The following NXPH1 variants were observed in gnomAD, a reference collection of about 807,000 sequenced individuals.
NXPH1 encodes neurexophilin-1.
NXPH1 carries 5 observed loss-of-function variants against 23.7 expected under a neutral mutation model. The ratio of observed to expected loss-of-function variants is 0.21; its 90% CI spans 0.11 to 0.44. NXPH1 has a LOEUF of 0.44. Ranked by LOEUF, NXPH1 falls within the 20% of genes least tolerant of loss-of-function variation. NXPH1 has a pLI of 0.99. For missense variants in NXPH1, 324 were observed against 321.6 expected, an observed-to-expected ratio of 1.01 and a Z score of -0.06; for synonymous variants, 144 against 122.2, an observed-to-expected ratio of 1.18 and a Z score of -1.18.
At chr7:8,742,628 A>G (rs1256282296) in intron 2 of NXPH1, among the ~76,000 whole-genome samples, 1 of 152,104 alleles carries the variant, frequency 6.6e-6, no homozygotes, top group Non-Finnish European at 1.5e-5. Context: ...AGATATTTAT[A>G]TATGAAAAAG....
At chr7:8,492,702 G>C (rs1011345736) in intron 2 of NXPH1, among the ~76,000 whole-genome samples, 2 of 152,120 alleles carry the variant, frequency 1.3e-5, no homozygotes, top group Middle Eastern at 3.4e-3. Context: ...TCATGCCTGA[G>C]AGTGGAAAGC....
chr7:8,471,650 T>G (rs1334244556), intron 2 of NXPH1, among the ~76,000 whole-genome samples: 2 of 152,154 alleles, frequency 1.3e-5, no homozygotes, highest in African/African-American at 4.8e-5. Context: ...GAAATCACTT[T>G]TTACCTTTTT....
chr7:8,722,606 A>G (rs1438383427), intron 2 of NXPH1, among the ~76,000 whole-genome samples: 1 of 152,200 alleles, frequency 6.6e-6, no homozygotes, highest in Non-Finnish European at 1.5e-5. Context: ...TTCCTTTCAC[A>G]AAATTAAAAC....
chr7:8,460,154 G>C (rs908552502), intron 2 of NXPH1, among the ~76,000 whole-genome samples: 1 of 151,936 alleles, frequency 6.6e-6, no homozygotes, highest in Non-Finnish European at 1.5e-5. Context: ...TTTTTCCCTA[G>C]GCTAGATTTT....
intron 2 of NXPH1, among the ~76,000 whole-genome samples, chr7:8,743,888 G>C (rs1780422976): frequency 6.6e-6 from 1 of 151,958 alleles, no homozygotes; most frequent in South Asian, 2.1e-4. Context: ...GTTTCAGTGT[G>C]TTAGCCAGGA....
intron 2 of NXPH1, among the ~76,000 whole-genome samples, chr7:8,588,364 G>T (rs916393632): frequency 6.6e-6 from 1 of 152,048 alleles, no homozygotes; most frequent in Non-Finnish European, 1.5e-5. Context: ...GACATAACTT[G>T]TACTAACTCA....
At chr7:8,680,739 T>C (rs2115176312) in intron 2 of NXPH1, among the ~76,000 whole-genome samples, 1 of 152,240 alleles carries the variant, frequency 6.6e-6, no homozygotes, top group South Asian at 2.1e-4. Flanking sequence ...ACTGTAACAG[T>C]TATTGATATA....
intron 2 of NXPH1, among the ~76,000 whole-genome samples, chr7:8,722,108 T>C (rs1021792331): frequency 6.6e-6 from 1 of 152,034 alleles, no homozygotes; most frequent in African/African-American, 2.4e-5. Flanking sequence ...GTGGGTTATA[T>C]GGAATGAGTT....
At chr7:8,632,541 G>A (rs767451862) in intron 2 of NXPH1, among the ~76,000 whole-genome samples, 39 of 152,222 alleles carry the variant, frequency 2.6e-4, no homozygotes, top group Middle Eastern at 3.4e-3. Context: ...TATGCTTAGC[G>A]GCTAGTCTTG....
At chr7:8,687,713 C>T (rs1317038423) in intron 2 of NXPH1, among the ~76,000 whole-genome samples, 1 of 152,014 alleles carries the variant, frequency 6.6e-6, no homozygotes, top group Non-Finnish European at 1.5e-5. Context: ...TTTTACGGAG[C>T]AATATGATGA....
chr7:8,656,396 A>G (rs1275060047), intron 2 of NXPH1, among the ~76,000 whole-genome samples: 4 of 152,178 alleles, frequency 2.6e-5, no homozygotes, highest in African/African-American at 9.6e-5. Context: ...TTTTACTTCT[A>G]TTAGACTGGG....
intron 2 of NXPH1, among the ~76,000 whole-genome samples, chr7:8,748,737 C>G (rs1233063767): frequency 6.6e-6 from 1 of 152,174 alleles, no homozygotes; most frequent in East Asian, 1.9e-4. Context: ...CCCAGAGTTT[C>G]AGTTTTGGCT....
At chr7:8,707,442 T>C (rs1779721947) in intron 2 of NXPH1, among the ~76,000 whole-genome samples, 1 of 152,130 alleles carries the variant, frequency 6.6e-6, no homozygotes, top group Non-Finnish European at 1.5e-5. Context: ...CCACAAGGAG[T>C]TGCCAATGCT....
chr7:8,654,770 C>G (rs1820546657), intron 2 of NXPH1, among the ~76,000 whole-genome samples: 1 of 152,198 alleles, frequency 6.6e-6, no homozygotes, highest in Non-Finnish European at 1.5e-5. Context: ...ATAATTCCTA[C>G]TGACATCCAT....
chr7:8,711,871 A>G (rs1384402195), intron 2 of NXPH1, among the ~76,000 whole-genome samples: 1 of 152,178 alleles, frequency 6.6e-6, no homozygotes, highest in African/African-American at 2.4e-5. Flanking sequence ...TTTGGGAAGG[A>G]TATGGTTACA....
intron 2 of NXPH1, among the ~76,000 whole-genome samples, chr7:8,552,452 A>C (rs1233083052): frequency 1.3e-5 from 2 of 151,416 alleles, no homozygotes; most frequent in Non-Finnish European, 3.0e-5. Flanking sequence ...TTTAAATGGC[A>C]TTAGCACAGC....
chr7:8,685,850 C>T (rs921845761), intron 2 of NXPH1, among the ~76,000 whole-genome samples: 1 of 151,744 alleles, frequency 6.6e-6, no homozygotes, highest in Non-Finnish European at 1.5e-5. Context: ...ATGAATAAGA[C>T]CTATTATTGG....
In NXPH1 at chr7:8,503,771, G is replaced by C. The variant is rs188013578; in HGVS notation, c.54+68004G>C. 1.8e-3 allele frequency among the ~76,000 whole-genome samples: 272 copies of C among 152,128 alleles called. 1 individual carries two copies. The highest frequency in any genetic ancestry group is 6.2e-3 in the African/African-American group (257 of 41,556). ...GCCTATGAACACGGCCTGCCTAGCAGTCTGTCTGCTGCCCATTTAAGGTCC... is the reference window on the plus strand; with the variant it reads ...GCCTATGAACACGGCCTGCCTAGCACTCTGTCTGCTGCCCATTTAAGGTCC... On this transcript the variant is annotated intron_variant, in intron 2 of 2. Transcript: ENST00000405863.
intron 2 of NXPH1, among the ~76,000 whole-genome samples, chr7:8,677,500 G>A (rs554223838): frequency 1.3e-5 from 2 of 152,282 alleles, no homozygotes; most frequent in Non-Finnish European, 1.5e-5. Flanking sequence ...GCAGGGGACA[G>A]ATGCCAGCCA....
Sources: gnomAD v4.1 joint callset for allele counts (sites outside exome capture counted in the v4.1 genomes callset) on GRCh38, gnomAD v4.1.1 for gene constraint, MANE v1.5 for transcripts, NCBI Gene and HGNC (gene_info 2026-07-23, HGNC 2026-07-21) for gene names.